Variants in HDAC9 observed in about 807,000 individuals in gnomAD.
HDAC9 encodes histone deacetylase 9.
A neutral mutation model predicts 139.4 loss-of-function variants in HDAC9; 41 were observed. The ratio of observed to expected loss-of-function variants is 0.29; its 90% CI spans 0.23 to 0.38. HDAC9 has a LOEUF of 0.38. Among genes scored for constraint, HDAC9 ranks in the 10% least tolerant of loss-of-function variants. HDAC9 has a pLI of 1.00. For synonymous variants in HDAC9, 517 were observed against 476.2 expected, an observed-to-expected ratio of 1.09 and a Z score of -1.12; for missense variants, 1,147 against 1,297.0, an observed-to-expected ratio of 0.88 and a Z score of 1.78.
At chr7:18,613,885 C>G (rs951418306) in intron 6 of HDAC9, among the ~76,000 whole-genome samples, 4 of 152,098 alleles carry the variant, frequency 2.6e-5, no homozygotes, top group African/African-American at 4.8e-5. Flanking sequence ...AAATTTTAAC[C>G]TCATGGGCTG....
chr7:18,415,661 G>A (rs569064483), intron 1 of HDAC9, among the ~76,000 whole-genome samples: 63 of 152,236 alleles, frequency 4.1e-4, no homozygotes, highest in African/African-American at 1.4e-3. Context: ...GTGGTGAAAC[G>A]TGCCTGAACA....
At chr7:18,266,878 G>A (rs1344999057) in intron 2 of HDAC9, among the ~76,000 whole-genome samples, 1 of 152,044 alleles carries the variant, frequency 6.6e-6, no homozygotes, top group Non-Finnish European at 1.5e-5. Context: ...GAGAACTAGT[G>A]CTTTATTTAT....
chr7:18,360,208 A>G (rs1783666971), intron 1 of HDAC9, among the ~76,000 whole-genome samples: 1 of 152,174 alleles, frequency 6.6e-6, no homozygotes, highest in South Asian at 2.1e-4. Context: ...TACATTTTCA[A>G]TTACTTTTAA....
chr7:18,440,839 C>T (rs1791688426), intron 1 of HDAC9, among the ~76,000 whole-genome samples: 1 of 152,168 alleles, frequency 6.6e-6, no homozygotes, highest in Non-Finnish European at 1.5e-5. Flanking sequence ...TTAGTGCAGC[C>T]TCATATATGT....
chr7:18,480,775 GA>G (rs1795488249), intron 1 of HDAC9, among the ~76,000 whole-genome samples: 1 of 152,174 alleles, frequency 6.6e-6, no homozygotes, highest in Middle Eastern at 3.2e-3. Flanking sequence ...TAGTCATGGG[GA>G]ACCAGAAGAG....
intron 17 of HDAC9, among the ~76,000 whole-genome samples, chr7:18,803,337 G>C (rs529859580): frequency 6.6e-6 from 1 of 152,056 alleles, no homozygotes; most frequent in Non-Finnish European, 1.5e-5. Flanking sequence ...CACTGACGAG[G>C]TATGATTGTA....
intron 6 of HDAC9, among the ~76,000 whole-genome samples, chr7:18,608,712 C>T (rs1281713558): frequency 1.3e-5 from 2 of 152,066 alleles, no homozygotes; most frequent in Admixed American, 1.3e-4. Flanking sequence ...TAACATCTTC[C>T]TCCTTTATTT....
At position 18,554,469 on chromosome 7, in the gene HDAC9, G is replaced by A. The variant is rs187524630; in HGVS notation, c.23-30812G>A. Among the ~76,000 whole-genome samples, 139 of 151,868 alleles carry A rather than the reference G, an allele frequency of 9.2e-4. 2 individuals carry two copies. In the East Asian group the frequency reaches 0.017, roughly 19 times the overall value. On this transcript the variant is annotated intron_variant, in intron 2 of 25. Coordinates refer to ENST00000686413, the MANE Select transcript of HDAC9 (RefSeq NM_178425.4). ...TCCTGCCTCAGCCTCCGGAGTAGCT[G>A]GGACTACAGGCGCCCGCCACCACGC...
At chr7:18,437,723 A>T (rs1361424091) in intron 1 of HDAC9, among the ~76,000 whole-genome samples, 5 of 151,840 alleles carry the variant, frequency 3.3e-5, no homozygotes, top group Non-Finnish European at 5.9e-5. Flanking sequence ...TAATGCAGGC[A>T]AAGATAATTT....
intron 22 of HDAC9, among the ~76,000 whole-genome samples, chr7:18,924,730 GTTGT>G (rs370994754): frequency 3.9e-4 from 60 of 152,170 alleles, no homozygotes; most frequent in Non-Finnish European, 6.3e-4. Flanking sequence ...TATTTTCGTT[GTTGT>G]TTGTTTGTTT....
At chr7:18,549,326 T>A (rs1816298342) in intron 2 of HDAC9, among the ~76,000 whole-genome samples, 1 of 152,192 alleles carries the variant, frequency 6.6e-6, no homozygotes, top group Non-Finnish European at 1.5e-5. Flanking sequence ...AAAACTTATG[T>A]TCGCACAGAA....
At chr7:18,800,994 T>C (rs1793242126) in intron 17 of HDAC9, among the ~76,000 whole-genome samples, 1 of 152,192 alleles carries the variant, frequency 6.6e-6, no homozygotes, top group South Asian at 2.1e-4. Flanking sequence ...TGTACATCAT[T>C]ATTATTGCAA....
intron 22 of HDAC9, among the ~76,000 whole-genome samples, chr7:18,919,579 C>G (rs1226492094): frequency 6.6e-6 from 1 of 151,974 alleles, no homozygotes; most frequent in East Asian, 1.9e-4. Flanking sequence ...TTCATTGTTT[C>G]AAAGAAGATT....
intron 11 of HDAC9, among the ~76,000 whole-genome samples, chr7:18,649,710 G>T (rs1584586856): frequency 1.3e-5 from 2 of 152,104 alleles, no homozygotes; most frequent in Admixed American, 6.6e-5. Context: ...TTCATCACTT[G>T]CTGGTTTTAT....
At chr7:18,866,756 G>A (rs905413501) in intron 21 of HDAC9, among the ~76,000 whole-genome samples, 1 of 152,144 alleles carries the variant, frequency 6.6e-6, no homozygotes, top group Non-Finnish European at 1.5e-5. Flanking sequence ...CTGGTCCTAT[G>A]GGAGTTCCCT....
intron 1 of HDAC9, among the ~76,000 whole-genome samples, chr7:18,484,808 A>G (rs1795848360): frequency 6.6e-6 from 1 of 151,716 alleles, no homozygotes; most frequent in Non-Finnish European, 1.5e-5. Flanking sequence ...AACTATGATT[A>G]TGCTATTGCA....
intron 2 of HDAC9, among the ~76,000 whole-genome samples, chr7:18,208,405 C>G (rs1157620018): frequency 1.1e-4 from 14 of 133,326 alleles, no homozygotes; most frequent in Admixed American, 4.9e-4. Context: ...CAGGGTCTCT[C>G]TTTGTCATCC....
chr7:18,220,403 C>G lies in HDAC9; in HGVS notation c.25+58054C>G, dbSNP rs78397822. On this transcript the variant is annotated intron_variant, in intron 2 of 12. Coordinates refer to the HDAC9 transcript ENST00000417496. ...GACTAGCAGTATGAACTTTGAAACC[C>G]ATAGATGTGATGAATTCTGTGGAAC... Among the ~76,000 whole-genome samples the G allele has an allele frequency of 9.2e-5, 14 of 152,192 alleles. No individual in the cohort carries two copies. The East Asian group carries it at 2.1e-3, about 23-fold the overall frequency.
chr7:18,473,261 G>T (rs1004567633), intron 1 of HDAC9, among the ~76,000 whole-genome samples: 3 of 152,220 alleles, frequency 2.0e-5, no homozygotes, highest in African/African-American at 7.2e-5. Flanking sequence ...GTTCAGCAGA[G>T]AATTTTGTCA....
Sources: gnomAD v4.1 joint callset for allele counts (sites outside exome capture counted in the v4.1 genomes callset) on GRCh38, gnomAD v4.1.1 for gene constraint, MANE v1.5 for transcripts, NCBI Gene and HGNC (gene_info 2026-07-23, HGNC 2026-07-21) for gene names.